PHACTR2: variants seen among roughly 807,000 people sequenced by gnomAD.
PHACTR2 encodes chromosome 6 open reading frame 56.
In PHACTR2, 30 loss-of-function variants were observed where a neutral mutation model predicts 76.0. That is an observed-to-expected ratio of 0.39 (90% confidence interval 0.30 to 0.54). The LOEUF is 0.54. Ranked by LOEUF, PHACTR2 falls within the 20% of genes least tolerant of loss-of-function variation. The probability of loss-of-function intolerance (pLI) is 0.61; values close to 1 mark genes in which losing one functional copy is unlikely to be tolerated. For missense variants in PHACTR2, 696 were observed against 781.1 expected (o/e 0.89, Z 1.30); for synonymous variants, 292 against 292.5 (o/e 1.00, Z 0.02).
chr6:143,703,094 A>C (rs13213692), intron 1 of PHACTR2, among the ~76,000 whole-genome samples: 27,121 of 148,828 alleles, frequency 0.18, 2,787 homozygotes, highest in Middle Eastern at 0.28. Context: ...GGATCACTTG[A>C]GTCCAGGAGT....
chr6:143,550,747 C>G lies in PHACTR2; in HGVS notation c.217+13540C>G, dbSNP rs759526215. On this transcript the variant is annotated intron_variant, in intron 1 of 11. Transcript: ENST00000367584. The surrounding 1 kb of genome is among the most constrained non-coding windows in gnomAD (Gnocchi z 4.8). ...ACAAACAACAACAAAAACAAACAAA[C>G]AAAGATTAGGGGCGAGTGCGGTGGC... is the stretch of plus-strand genomic sequence containing the variant. Among the ~76,000 whole-genome samples the G allele has an allele frequency of 6.6e-6, 1 of 151,846 alleles. No individual in the cohort carries two copies. Among genetic ancestry groups the G allele is most frequent in the Non-Finnish European group, 1.5e-5 (1 of 67,908 alleles).
At chr6:143,643,676 C>T (rs12197559) in intron 1 of PHACTR2, among the ~76,000 whole-genome samples, 42,341 of 152,022 alleles carry the variant, frequency 0.28, 5,995 homozygotes, top group Middle Eastern at 0.38. Flanking sequence ...CATAAATGTT[C>T]AGATCTAGAT....
chr6:143,815,532 T>C (rs955736014), intron 12 of PHACTR2, among the ~76,000 whole-genome samples: 23 of 152,136 alleles, frequency 1.5e-4, no homozygotes, highest in Admixed American at 6.5e-5. Context: ...ATCTATCAAG[T>C]AGGGAAGTAC....
At chr6:143,631,501 C>CT (rs1776362553) in intron 1 of PHACTR2, among the ~76,000 whole-genome samples, 1 of 152,080 alleles carries the variant, frequency 6.6e-6, no homozygotes, top group Non-Finnish European at 1.5e-5. Context: ...GCCAGGCAAG[C>CT]TTTTTTTAGC....
At chr6:143,701,803 C>CT (rs1368954928) in intron 1 of PHACTR2, among the ~76,000 whole-genome samples, 2 of 152,038 alleles carry the variant, frequency 1.3e-5, no homozygotes, top group African/African-American at 4.8e-5. Context: ...AGAACAGGTC[C>CT]TTTTTTTAGC....
At position 143,757,273 on chromosome 6, in the gene PHACTR2, T is replaced by G. The variant is rs1384500688; in HGVS notation, c.455-3128T>G. Reference sequence around the variant, plus strand: ...GCCTTTGCCTTAAGAGCATGACCTGTGAGGAGACCAGAATGCAAACGGGCA... The same window carrying G: ...GCCTTTGCCTTAAGAGCATGACCTGGGAGGAGACCAGAATGCAAACGGGCA... On this transcript the variant is annotated intron_variant, in intron 4 of 12. Transcript: ENST00000440869. The surrounding 1 kb of genome is among the most constrained non-coding windows in gnomAD (Gnocchi z 4.2). Among the ~76,000 whole-genome samples, 2 of 152,136 alleles carry G rather than the reference T, an allele frequency of 1.3e-5. No homozygotes were observed. The highest frequency in any genetic ancestry group is 1.3e-4 in the Admixed American group (2 of 15,276).
rs959634456 is a variant in PHACTR2, at chr6:143,710,491, A to C, written c.47-1525A>C. 6.6e-6 allele frequency among the ~76,000 whole-genome samples: 1 copy of C among 152,112 alleles called. No individual in the cohort carries two copies. The highest frequency in any genetic ancestry group is 1.5e-5 in the Non-Finnish European group (1 of 68,004). ...GTGGATCACTTGAGGTCAGGAGTTCAAGACCAGCCTGGGCAACATGGTGAA... is the reference window on the plus strand; with the variant it reads ...GTGGATCACTTGAGGTCAGGAGTTCCAGACCAGCCTGGGCAACATGGTGAA... On this transcript the variant is annotated intron_variant, in intron 1 of 12. Coordinates refer to ENST00000440869, the MANE Select transcript of PHACTR2 (RefSeq NM_001100164.2). The surrounding 1 kb of genome is among the most constrained non-coding windows in gnomAD (Gnocchi z 4.9).
intron 1 of PHACTR2, among the ~76,000 whole-genome samples, chr6:143,681,964 T>C (rs768621856): frequency 2.0e-5 from 3 of 152,238 alleles, no homozygotes; most frequent in Non-Finnish European, 4.4e-5. Flanking sequence ...AATGTCTAGA[T>C]TACTGTAGCT....
Position 143,618,042 on chromosome 6 carries a change from C to T in PHACTR2, c.13+9720C>T, listed in dbSNP as rs191877374. On this transcript the variant is annotated intron_variant, in intron 1 of 11. Transcript: ENST00000305766. The surrounding 1 kb of genome is among the most constrained non-coding windows in gnomAD (Gnocchi z 5.2). ...AAAAGAGATGTTAAACATCTCTTGTCAAATTCTGTATAATAGAAGAGGTAC... is the reference window on the plus strand; with the variant it reads ...AAAAGAGATGTTAAACATCTCTTGTTAAATTCTGTATAATAGAAGAGGTAC... Among the ~76,000 whole-genome samples the T allele has an allele frequency of 6.6e-5, 10 of 152,224 alleles. No individual in the cohort carries two copies. The highest frequency in any genetic ancestry group is 1.0e-4 in the Non-Finnish European group (7 of 67,990).
In PHACTR2 at chr6:143,595,721, TTTG is replaced by T. The variant is rs970943011; in HGVS notation, c.217+58523_217+58525del. 6.6e-6 allele frequency among the ~76,000 whole-genome samples: 1 copy of T among 152,146 alleles called. No individual in the cohort carries two copies. The highest frequency in any genetic ancestry group is 1.5e-5 in the Non-Finnish European group (1 of 68,032). ...TTTCGTGAAGAGGACTAGAGGTGGT[TTTG>T]TTGTTGTTTTTAAAGAGAGAAAAAA... On this transcript the variant is annotated intron_variant, in intron 1 of 11. Coordinates refer to the PHACTR2 transcript ENST00000367584. This position sits in a 1 kb window ranked among gnomAD's most constrained non-coding sequence, Gnocchi z 4.2.
Position 143,824,544 on chromosome 6 carries a change from T to C in PHACTR2, c.*855T>C, listed in dbSNP as rs555990461. On this transcript the variant is annotated 3_prime_UTR_variant, in exon 13 of 13. Coordinates refer to ENST00000440869, the MANE Select transcript of PHACTR2 (RefSeq NM_001100164.2). This position sits in a 1 kb window ranked among gnomAD's most constrained non-coding sequence, Gnocchi z 6.3. The stretch of plus-strand genomic sequence containing the variant: ...GTGACCCTAGAAAACTGTAGCAAGC[T>C]TCAGAAATAAATCTTTTGATCTTTC... The C allele has an allele frequency of 2.0e-5, 3 of 152,702 alleles. No homozygotes were observed. The East Asian group carries it at 5.8e-4, about 29-fold the overall frequency. 9.5% of individuals were successfully genotyped at this position (152,702 alleles called of 1,614,324 possible). A position where few individuals can be genotyped will look rare whatever the true frequency, so the allele number is the denominator to read the frequency against.
In PHACTR2 at chr6:143,780,744, G is replaced by A. The variant is rs1017811873; in HGVS notation, c.1646-2475G>A. On this transcript the variant is annotated intron_variant, in intron 9 of 12. Transcript: ENST00000440869. The surrounding 1 kb of genome is among the most constrained non-coding windows in gnomAD (Gnocchi z 4.4). ...TTCTTGCGGGTCGTCCGAAATGTTC[G>A]CCCCTCTCTGCTCTGATGAGAGTCA... Among the ~76,000 whole-genome samples, 6 of 152,002 alleles carry A rather than the reference G, an allele frequency of 3.9e-5. No homozygotes were observed. The highest frequency in any genetic ancestry group is 1.5e-4 in the African/African-American group (6 of 41,364).
chr6:143,661,681 A>C (rs1283532466), intron 1 of PHACTR2, among the ~76,000 whole-genome samples: 1 of 151,686 alleles, frequency 6.6e-6, no homozygotes, highest in East Asian at 1.9e-4. Flanking sequence ...TCAACCTCCC[A>C]AGTAGCTGGG....
At chr6:143,593,046 C>CAA (rs67052242) in intron 1 of PHACTR2, among the ~76,000 whole-genome samples, 101 of 78,726 alleles carry the variant, frequency 1.3e-3, no homozygotes, top group East Asian at 4.6e-3. Flanking sequence ...GACCCTGCCT[C>CAA]AAAAAAAAAA....
At position 143,731,507 on chromosome 6, in the gene PHACTR2, G is replaced by A. The variant is rs1328517074; in HGVS notation, c.215-17478G>A. On this transcript the variant is annotated intron_variant, in intron 2 of 12. Transcript: ENST00000440869. The surrounding 1 kb of genome is among the most constrained non-coding windows in gnomAD (Gnocchi z 4.9). ...TCTCCATGTTGGTCAGGCTGGTCTC[G>A]AACTCTGGACCTCAGGTGATCTGCC... Among the ~76,000 whole-genome samples, 1 of 152,026 alleles carries A rather than the reference G, an allele frequency of 6.6e-6. No individual in the cohort carries two copies. The highest frequency in any genetic ancestry group is 2.4e-5 in the African/African-American group (1 of 41,386).
At chr6:143,666,405 G>C (rs1582750360) in intron 1 of PHACTR2, among the ~76,000 whole-genome samples, 1 of 152,264 alleles carries the variant, frequency 6.6e-6, no homozygotes, top group African/African-American at 2.4e-5. Context: ...TAATGGGATT[G>C]CTGGGTCAGT....
At chr6:143,713,714 A>G (rs1252889828) in intron 2 of PHACTR2, among the ~76,000 whole-genome samples, 2 of 152,170 alleles carry the variant, frequency 1.3e-5, no homozygotes, top group East Asian at 3.9e-4. Flanking sequence ...GTTGGTCTCC[A>G]GAGACACCCT....
rs1344582993 is a variant in PHACTR2 at position 143,801,308 on chromosome 6, A to T, written c.1846-5749A>T. Among the ~76,000 whole-genome samples the T allele has an allele frequency of 6.6e-6, 1 of 151,976 alleles. No homozygotes were observed. Among genetic ancestry groups the T allele is most frequent in the South Asian group, 2.1e-4 (1 of 4,816 alleles). ...GAAGAGTGTTTTTCAACTTGGTTCT[A>T]TTCTCCCCATCACTTTCAGGTACAC... On this transcript the variant is annotated intron_variant, in intron 11 of 12. Coordinates refer to ENST00000440869, the MANE Select transcript of PHACTR2 (RefSeq NM_001100164.2). The surrounding 1 kb of genome is among the most constrained non-coding windows in gnomAD (Gnocchi z 4.6).
At chr6:143,713,993 A>C (rs1251901597) in intron 2 of PHACTR2, among the ~76,000 whole-genome samples, 2 of 152,212 alleles carry the variant, frequency 1.3e-5, no homozygotes, top group African/African-American at 4.8e-5. Context: ...CTAGAGGAAA[A>C]CTGATATATT....
Sources: allele counts gnomAD v4.1 joint callset (sites outside exome capture counted in the v4.1 genomes callset), GRCh38; gene constraint gnomAD v4.1.1; non-coding constraint Gnocchi (gnomAD v3.1); transcripts MANE v1.5; gene names NCBI Gene and HGNC (gene_info 2026-07-23, HGNC 2026-07-21).